SC5D: variants seen among roughly 807,000 people sequenced by gnomAD.
SC5D encodes lathosterol oxidase.
Under a neutral mutation model 23.9 loss-of-function variants are expected in SC5D, and 21 were observed. The observed-to-expected ratio is 0.88, with a 90% confidence interval of 0.62 to 1.26. SC5D has a LOEUF of 1.26. SC5D is among the 50% of genes most tolerant of loss of function. The probability of loss-of-function intolerance (pLI) is 0.00; values close to 1 mark genes in which losing one functional copy is unlikely to be tolerated. For synonymous variants in SC5D, 113 were observed against 125.9 expected (o/e 0.90, Z 0.68); for missense variants, 309 against 364.8 (o/e 0.85, Z 1.25).
chr11:121,293,163 G>A (rs981841767), intron 1 of SC5D: 1 of 152,360 alleles, frequency 6.6e-6, no homozygotes, highest in Non-Finnish European at 1.5e-5. Flanking sequence ...GGGAGTCCGG[G>A]CGGAGGGGCC....
At chr11:121,293,042 T>C (rs1032165515) in intron 1 of SC5D, 1 of 151,680 alleles carries the variant, frequency 6.6e-6, no homozygotes, top group African/African-American at 2.4e-5. Context: ...AGCATACGGA[T>C]CCGAGTCCTG....
At chr11:121,293,134 C>T (rs1327217213) in intron 1 of SC5D, 1 of 152,466 alleles carries the variant, frequency 6.6e-6, no homozygotes, top group Non-Finnish European at 1.5e-5. Context: ...ACCTCGGGGC[C>T]TGGAGGGCTG....
chr11:121,305,009 T>A (rs765298313), intron 3 of SC5D: 48 of 167,710 alleles, frequency 2.9e-4, no homozygotes, highest in Non-Finnish European at 7.8e-5. Flanking sequence ...TATTTTCATG[T>A]CAAAAAAATC....
intron 1 of SC5D, among the ~76,000 whole-genome samples, chr11:121,293,283 G>T (rs1000584866): frequency 2.0e-5 from 3 of 152,224 alleles, no homozygotes; most frequent in African/African-American, 7.2e-5. Context: ...GGGTGTTGCA[G>T]ATCTCTTACT....
chr11:121,300,128 A>G (rs1431114555), intron 1 of SC5D, among the ~76,000 whole-genome samples: 1 of 152,218 alleles, frequency 6.6e-6, no homozygotes, highest in Admixed American at 6.5e-5. Context: ...TTCTTTATAA[A>G]AAGCAACAAA....
At chr11:121,293,406 T>A (rs1203478873) in intron 1 of SC5D, among the ~76,000 whole-genome samples, 2 of 152,184 alleles carry the variant, frequency 1.3e-5, no homozygotes, top group African/African-American at 4.8e-5. Flanking sequence ...CTGGTCGGTA[T>A]CAGAACTCCT....
chr11:121,307,648 G>A lies in SC5D; in HGVS notation c.*136G>A. 2 of 649,426 alleles carry A rather than the reference G, an allele frequency of 3.1e-6. No individual in the cohort carries two copies. The allele number at this position is 649,426 out of a possible 1,614,324, so 40.2% of individuals were successfully genotyped here. ...TATCATTTGGAAATCAGCATCGTGG[G>A]CACTGCTGAGGAATGATCCTAGTGG... On this transcript the variant is annotated 3_prime_UTR_variant, in exon 5 of 5. Transcript: ENST00000264027.
chr11:121,301,134 G>C (rs544363481), intron 1 of SC5D, among the ~76,000 whole-genome samples: 1 of 152,096 alleles, frequency 6.6e-6, no homozygotes, highest in Non-Finnish European at 1.5e-5. Context: ...AAGGCAATCA[G>C]TCAGTAGAAA....
At chr11:121,298,379 A>T (rs2134263663) in intron 1 of SC5D, among the ~76,000 whole-genome samples, 1 of 152,306 alleles carries the variant, frequency 6.6e-6, no homozygotes, top group South Asian at 2.1e-4. Flanking sequence ...CCTAGGAATC[A>T]AAACTTCCTT....
chr11:121,293,101 G>A (rs999018668), intron 1 of SC5D: 2 of 151,860 alleles, frequency 1.3e-5, no homozygotes, highest in African/African-American at 4.9e-5. Flanking sequence ...CCCGAAGACT[G>A]GCGGCGAGGG....
At chr11:121,304,633 A>G (rs1947950576) in intron 3 of SC5D, 140 bp downstream of exon 3, 1 of 740,554 alleles carries the variant, frequency 1.4e-6, no homozygotes, top group Non-Finnish European at 2.2e-6. Context: ...TTCTATTTTC[A>G]TGTGTTCATG....
Position 121,303,498 on chromosome 11 carries a change from T to C in SC5D, c.123T>C (p.Gly41=). 1 of 1,614,012 alleles carries C rather than the reference T, an allele frequency of 6.2e-7. No individual in the cohort carries two copies. Among genetic ancestry groups the C allele is most frequent in the African/African-American group, 1.3e-5 (1 of 75,034 alleles). Residue 41 remains glycine, a synonymous_variant, in exon 2 of 5, where the codon GGT becomes GGC. Transcript: ENST00000264027. ...AISLLIVTNV[G]AYILYFFCAT... ...GTCTTCTGATTGTAACAAATGTTGGTGCTTACATCCTTTATTTCTTCTGTG... is the reference window on the plus strand; with the variant it reads ...GTCTTCTGATTGTAACAAATGTTGGCGCTTACATCCTTTATTTCTTCTGTG...
intron 1 of SC5D, among the ~76,000 whole-genome samples, chr11:121,300,762 C>T (rs914703137): frequency 1.6e-4 from 24 of 152,228 alleles, no homozygotes; most frequent in African/African-American, 5.3e-4. Flanking sequence ...TGAGGGTTTA[C>T]GCAAGCAGTA....
rs910537751 is a variant in SC5D, at chr11:121,312,872, T to A, written c.*5360T>A. Among the ~76,000 whole-genome samples the A allele has an allele frequency of 6.6e-6, 1 of 152,302 alleles. No individual in the cohort carries two copies. The highest frequency in any genetic ancestry group is 1.9e-4 in the East Asian group (1 of 5,196). On this transcript the variant is annotated 3_prime_UTR_variant, in exon 5 of 5. Coordinates refer to ENST00000264027, the MANE Select transcript of SC5D (RefSeq NM_006918.5). ...AACAAATAGAAACCTAGAAATTTAG[T>A]GCATATTCAAATATTAAGACAGACA...
rs534569739 is a variant in SC5D, at chr11:121,295,960, A to G, written c.-11+3144A>G. Among the ~76,000 whole-genome samples, 4 of 152,262 alleles carry G rather than the reference A, an allele frequency of 2.6e-5. No individual in the cohort carries two copies. The South Asian group carries it at 6.2e-4, about 24-fold the overall frequency. ...AACAGCCACTGCCCGAGGTCAGGCT[A>G]TCATTTTCTCTGGGTTATTCTACCA... is the stretch of plus-strand genomic sequence containing the variant. On this transcript the variant is annotated intron_variant, in intron 1 of 4. Transcript: ENST00000264027.
Position 121,302,671 on chromosome 11 carries a change from G to A in SC5D, c.-10-695G>A, listed in dbSNP as rs1034789001. Among the ~76,000 whole-genome samples, 40 of 152,240 alleles carry A rather than the reference G, an allele frequency of 2.6e-4. 1 individual carries two copies. The highest frequency in any genetic ancestry group is 7.7e-4 in the African/African-American group (32 of 41,530). On this transcript the variant is annotated intron_variant, in intron 1 of 4. Transcript: ENST00000264027. ...GACAGTATGTAAACATCTGGGTGTC[G>A]CTGTGTTCCATAAAGATTTTTACAA...
At chr11:121,303,192 A>T (rs774119412) in intron 1 of SC5D, among the ~76,000 whole-genome samples, 174 bp from the exon 2 acceptor site, 8 of 152,190 alleles carry the variant, frequency 5.3e-5, no homozygotes, top group Non-Finnish European at 1.2e-4. Context: ...ACTAGAGATG[A>T]TATCTAAGAT....
intron 1 of SC5D, among the ~76,000 whole-genome samples, chr11:121,302,437 CGA>C (rs1947932334): frequency 6.6e-6 from 1 of 152,146 alleles, no homozygotes; most frequent in Admixed American, 6.5e-5. Flanking sequence ...ACAATATCAC[CGA>C]ACTGTATTGT....
chr11:121,297,694 GA>G (rs1947898963), intron 1 of SC5D, among the ~76,000 whole-genome samples: 1 of 152,210 alleles, frequency 6.6e-6, no homozygotes, highest in Admixed American at 6.5e-5. Context: ...AAAATAGGGA[GA>G]CATTGCAGAG....
Sources: allele counts gnomAD v4.1 joint callset (sites outside exome capture counted in the v4.1 genomes callset), GRCh38; gene constraint gnomAD v4.1.1; transcripts MANE v1.5; gene names NCBI Gene and HGNC (gene_info 2026-07-23, HGNC 2026-07-21).